Variants in GAR1 observed in about 807,000 individuals in gnomAD.
GAR1 encodes the protein H/ACA ribonucleoprotein complex subunit 1.
Under a neutral mutation model 29.3 loss-of-function variants are expected in GAR1, and 11 were observed. The observed-to-expected ratio is 0.38, with a 90% CI of 0.24 to 0.62. GAR1 has a LOEUF of 0.62. GAR1 is among the 20% of genes least tolerant of loss of function. The pLI is 0.62. For missense variants in GAR1, 237 were observed against 268.4 expected (o/e 0.88, Z 0.82); for synonymous variants, 87 against 93.3 (o/e 0.93, Z 0.39).
In GAR1 at chr4:109,817,994, T is replaced by C. The variant is rs1295967071; in HGVS notation, c.273T>C (p.Asp91=). The C allele has an allele frequency of 3.1e-6, 5 of 1,608,884 alleles. No individual in the cohort carries two copies. The South Asian group carries it at 4.4e-5, about 14-fold the overall frequency. The stretch of plus-strand genomic sequence containing the variant: ...ACATAGTTTGTAAATGTACCACAGA[T>C]GAAAATAAGGTGCCTTATTTCAATG... ...EDDIVCKCTT[D]ENKVPYFNAP... is the part of the protein sequence containing the mutation. Residue 91 remains aspartate, a synonymous_variant, in exon 3 of 7, where the codon GAT becomes GAC. Transcript: ENST00000226796.
intron 3 of GAR1, among the ~76,000 whole-genome samples, chr4:109,818,333 C>T (rs1186715941): frequency 6.6e-6 from 1 of 151,932 alleles, no homozygotes; most frequent in African/African-American, 2.4e-5. Flanking sequence ...TGGATAAGTA[C>T]TACAGGATTA....
At chr4:109,820,320 A>G (rs1733478507) in intron 4 of GAR1, among the ~76,000 whole-genome samples, 1 of 152,128 alleles carries the variant, frequency 6.6e-6, no homozygotes, top group Non-Finnish European at 1.5e-5. Context: ...AACAATGCAG[A>G]GGAGGGGGAT....
chr4:109,817,797 C>G (rs1733395310), intron 2 of GAR1, 139 bp from the exon 3 acceptor site: 2 of 642,542 alleles, frequency 3.1e-6, no homozygotes, highest in African/African-American at 1.8e-5. Flanking sequence ...CCCAGGAAGT[C>G]CTAAGACTGT....
At chr4:109,822,268 A>G (rs1733535688) in intron 4 of GAR1, 79 bp from the exon 5 acceptor site, 1 of 841,674 alleles carries the variant, frequency 1.2e-6, no homozygotes, top group Non-Finnish European at 1.9e-6. Context: ...GGCAGTTTTG[A>G]CTCTATCATG....
intron 2 of GAR1, among the ~76,000 whole-genome samples, chr4:109,816,972 AG>A (rs1274260878): frequency 3.3e-5 from 5 of 152,220 alleles, no homozygotes; most frequent in African/African-American, 1.2e-4. Context: ...ACACCTATTT[AG>A]GGTAGTTTTA....
In GAR1 at chr4:109,819,894, T is replaced by C. The variant is rs149657922; in HGVS notation, c.429+834T>C. Among the ~76,000 whole-genome samples the C allele has an allele frequency of 1.1e-4, 17 of 152,286 alleles. No individual in the cohort carries two copies. In the East Asian group the frequency reaches 2.9e-3, roughly 26 times the overall value. ...CATTTAGGAGAGGTGGGGAAAGTTG[T>C]GAATTAAGACCAGAGAGGTAGGAGG... is the stretch of plus-strand genomic sequence containing the variant. On this transcript the variant is annotated intron_variant, in intron 4 of 6. Transcript: ENST00000226796.
At chr4:109,817,680 C>T (rs1733392014) in intron 2 of GAR1, among the ~76,000 whole-genome samples, 2 of 152,086 alleles carry the variant, frequency 1.3e-5, no homozygotes, top group African/African-American at 4.8e-5. Flanking sequence ...TATAGCTATA[C>T]ATTATATGTT....
intron 4 of GAR1, among the ~76,000 whole-genome samples, chr4:109,820,913 GA>G (rs371678667): frequency 1.3e-5 from 2 of 150,504 alleles, no homozygotes; most frequent in East Asian, 1.9e-4. Flanking sequence ...CTTGTGACCT[GA>G]AAAAAAAATG....
At chr4:109,815,879 A>C in intron 1 of GAR1, 75 bp downstream of exon 1, 2 of 419,056 alleles carry the variant, frequency 4.8e-6, no homozygotes, top group East Asian at 4.5e-5. Context: ...GGGAGGAAGG[A>C]AGGGGATGCG....
intron 2 of GAR1, 31 bp from the exon 3 acceptor site, chr4:109,817,905 T>C (rs1487497822): frequency 3.8e-6 from 6 of 1,572,768 alleles, no homozygotes; most frequent in Admixed American, 1.9e-5. Context: ...GAAATAGTTC[T>C]ATGTTTTAAC....
chr4:109,821,992 C>T (rs552882526), intron 4 of GAR1, among the ~76,000 whole-genome samples: 19 of 150,250 alleles, frequency 1.3e-4, no homozygotes, highest in Admixed American at 4.0e-4. Context: ...CTGGGCCTGT[C>T]GGGGGATGGG....
chr4:109,816,124 G>A, intron 1 of GAR1, 29 bp from the exon 2 acceptor site: 1 of 1,596,206 alleles, frequency 6.3e-7, no homozygotes. Flanking sequence ...ACAGTGATCA[G>A]AAGACATAGG....
At position 109,816,223 on chromosome 4, in the gene GAR1, T is replaced by G; in HGVS notation, c.59T>G (p.Phe20Cys). 6.2e-7 allele frequency: 1 copy of G among 1,610,112 alleles called. No individual in the cohort carries two copies. ...AATCGAGGTGGTGGAGGTGGCGGCT[T>G]CAACCGAGGTGGCAGCAGCAACCAC... ...GFNRGGGGGG[F>C]NRGGSSNHFR... The change falls in exon 2 of 7, where the codon TTC becomes TGC. Residue 20 changes from phenylalanine (F) to cysteine (C), a missense_variant. By Grantham distance (205) the Phe-to-Cys change is radical (BLOSUM62 -2). Transcript: ENST00000226796.
intron 4 of GAR1, among the ~76,000 whole-genome samples, chr4:109,820,844 T>A (rs1733494535): frequency 6.6e-6 from 1 of 152,090 alleles, no homozygotes; most frequent in South Asian, 2.1e-4. Context: ...ATTGACTGCT[T>A]CTGGCGTGCC....
Position 109,816,153 on chromosome 4 carries a change from G to A in GAR1, c.-12G>A, listed in dbSNP as rs1217976331. The A allele has an allele frequency of 3.1e-6, 5 of 1,611,220 alleles. No homozygotes were observed. Among genetic ancestry groups the A allele is most frequent in the Non-Finnish European group, 4.2e-6 (5 of 1,179,372 alleles). ...ACATAGGTCGTTTTTTTTTCATCAG[G>A]GAGGAGAGAGAATGTCTTTTCGAGG... On this transcript the variant is annotated splice_region_variant and 5_prime_UTR_variant, in exon 2 of 7. Coordinates refer to ENST00000226796, the MANE Select transcript of GAR1 (RefSeq NM_018983.4).
At chr4:109,818,529 C>T (rs1579352065) in intron 3 of GAR1, among the ~76,000 whole-genome samples, 1 of 150,696 alleles carries the variant, frequency 6.6e-6, no homozygotes, top group South Asian at 2.1e-4. Flanking sequence ...CTGCCTTCTT[C>T]CCTCCCTCCC....
At chr4:109,822,586 A>T in intron 5 of GAR1, 98 bp downstream of exon 5, 3 of 1,269,456 alleles carry the variant, frequency 2.4e-6, no homozygotes, top group Non-Finnish European at 3.1e-6. Flanking sequence ...AACCTCCCTT[A>T]TGGTTCTTTT....
intron 5 of GAR1, 111 bp from the exon 6 acceptor site, chr4:109,823,854 G>T: frequency 3.4e-6 from 2 of 587,580 alleles, no homozygotes; most frequent in Non-Finnish European, 5.8e-6. Flanking sequence ...TTATTGTATT[G>T]ATCTTTTTAG....
chr4:109,818,642 A>G (rs1173107957), intron 3 of GAR1, among the ~76,000 whole-genome samples: 4 of 141,558 alleles, frequency 2.8e-5, no homozygotes, highest in African/African-American at 1.1e-4. Flanking sequence ...TCATCTCACT[A>G]CAACCTCCGC....
Sources: gnomAD v4.1 joint callset for allele counts (sites outside exome capture counted in the v4.1 genomes callset) on GRCh38, gnomAD v4.1.1 for gene constraint, MANE v1.5 for transcripts, NCBI Gene and HGNC (gene_info 2026-07-23, HGNC 2026-07-21) for gene names.